Variants in TSHZ2 observed in about 807,000 individuals in gnomAD.
The protein encoded by TSHZ2 is teashirt homolog 2.
Under a neutral mutation model 74.4 loss-of-function variants are expected in TSHZ2, and 21 were observed. That is an observed-to-expected ratio of 0.28 (90% CI 0.20 to 0.41). The LOEUF (loss-of-function observed/expected upper bound fraction) is 0.41. Among genes scored for constraint, TSHZ2 ranks in the 10% least tolerant of loss-of-function variants. The pLI, the probability that TSHZ2 is intolerant of heterozygous loss-of-function variation, is 1.00. For missense variants in TSHZ2, 1,244 were observed against 1,293.5 expected (o/e 0.96, Z 0.59); for synonymous variants, 540 against 515.3 (o/e 1.05, Z -0.65).
chr20:53,256,627 G>C lies in TSHZ2; in HGVS notation c.*8+56G>C. The C allele has an allele frequency of 6.6e-7, 1 of 1,514,114 alleles. No individual in the cohort carries two copies. Among genetic ancestry groups the C allele is most frequent in the Non-Finnish European group, 8.9e-7 (1 of 1,129,128 alleles). 93.8% of individuals were successfully genotyped at this position (1,514,114 alleles called of 1,614,324 possible). On this transcript the variant is annotated intron_variant, in intron 2 of 2. Transcript: ENST00000371497. The surrounding 1 kb of genome is among the most constrained non-coding windows in gnomAD (Gnocchi z 4.3). ...GCCTGGTGAGGAGCTTTCTTACAGG[G>C]AGATGGGTCTGCTTAGAGGCAGCTA...
intron 2 of TSHZ2, among the ~76,000 whole-genome samples, chr20:53,456,069 C>T (rs867877677): frequency 1.3e-4 from 20 of 151,976 alleles, no homozygotes; most frequent in African/African-American, 3.9e-4. Context: ...CCTTTGGGTA[C>T]ATACCCAGTA....
At chr20:53,149,283 G>A (rs1404758112) in intron 1 of TSHZ2, among the ~76,000 whole-genome samples, 1 of 151,150 alleles carries the variant, frequency 6.6e-6, no homozygotes, top group Non-Finnish European at 1.5e-5. Flanking sequence ...GGTGTCATTT[G>A]TCACTGGGGC....
At chr20:53,278,513 T>G (rs1990989609) in intron 2 of TSHZ2, among the ~76,000 whole-genome samples, 1 of 152,126 alleles carries the variant, frequency 6.6e-6, no homozygotes, top group Non-Finnish European at 1.5e-5. Flanking sequence ...AGTAGCCACC[T>G]TCAGTTCTCA....
intron 2 of TSHZ2, among the ~76,000 whole-genome samples, chr20:53,265,134 G>T (rs1990686764): frequency 6.6e-6 from 1 of 152,052 alleles, no homozygotes; most frequent in Non-Finnish European, 1.5e-5. Context: ...CAGGGCCAGA[G>T]CGTTCAGGGG....
At chr20:53,440,629 G>A (rs1012254500) in intron 2 of TSHZ2, among the ~76,000 whole-genome samples, 5 of 152,128 alleles carry the variant, frequency 3.3e-5, no homozygotes, top group Non-Finnish European at 7.3e-5. Flanking sequence ...GGGGAGAAAC[G>A]GACAATAGCC....
At chr20:53,349,473 G>T (rs1980561642) in intron 2 of TSHZ2, among the ~76,000 whole-genome samples, 1 of 152,104 alleles carries the variant, frequency 6.6e-6, no homozygotes, top group South Asian at 2.1e-4. Flanking sequence ...GTGACACGGT[G>T]AGACCCCATC....
At chr20:53,457,172 G>C (rs1415358263) in intron 2 of TSHZ2, among the ~76,000 whole-genome samples, 6 of 141,566 alleles carry the variant, frequency 4.2e-5, no homozygotes, top group Non-Finnish European at 7.6e-5. Flanking sequence ...TCACGATATT[G>C]ATTCTTCCTA....
intron 1 of TSHZ2, among the ~76,000 whole-genome samples, chr20:53,249,884 A>T (rs1385169463): frequency 6.6e-6 from 1 of 152,234 alleles, no homozygotes; most frequent in African/African-American, 2.4e-5. Flanking sequence ...TTTTACAAAG[A>T]ATCTTCTAGC....
chr20:53,015,937 G>A (rs745826345), intron 1 of TSHZ2, among the ~76,000 whole-genome samples: 10 of 152,064 alleles, frequency 6.6e-5, no homozygotes, highest in Non-Finnish European at 1.3e-4. Flanking sequence ...GTGCCAGAAA[G>A]GGAAGAATTT....
intron 2 of TSHZ2, among the ~76,000 whole-genome samples, chr20:53,432,413 T>G (rs974742755): frequency 6.6e-6 from 1 of 152,246 alleles, no homozygotes; most frequent in African/African-American, 2.4e-5. Context: ...TTTGCAATTG[T>G]GAATTATGCT....
At chr20:53,084,855 C>T (rs1289790819) in intron 1 of TSHZ2, among the ~76,000 whole-genome samples, 1 of 151,996 alleles carries the variant, frequency 6.6e-6, no homozygotes, top group Non-Finnish European at 1.5e-5. Flanking sequence ...TAACATTTAG[C>T]TTTTCTGAAA....
At chr20:53,047,120 G>T (rs2123114917) in intron 1 of TSHZ2, among the ~76,000 whole-genome samples, 1 of 152,222 alleles carries the variant, frequency 6.6e-6, no homozygotes, top group Non-Finnish European at 1.5e-5. Flanking sequence ...AATTTTAAAA[G>T]CATAATATTT....
At chr20:53,322,527 A>G (rs866964644) in intron 2 of TSHZ2, among the ~76,000 whole-genome samples, 1 of 151,724 alleles carries the variant, frequency 6.6e-6, no homozygotes. Flanking sequence ...AAAAAAAAGA[A>G]AAAAAAAACA....
At chr20:53,395,584 CAGCT>C (rs1448492265) in intron 2 of TSHZ2, among the ~76,000 whole-genome samples, 1 of 152,234 alleles carries the variant, frequency 6.6e-6, no homozygotes, top group Non-Finnish European at 1.5e-5. Context: ...GATTTGACAT[CAGCT>C]AATTCAAGAG....
At chr20:53,046,486 A>G (rs564559074) in intron 1 of TSHZ2, among the ~76,000 whole-genome samples, 33 of 152,242 alleles carry the variant, frequency 2.2e-4, no homozygotes, top group Non-Finnish European at 3.5e-4. Context: ...AGATATTATC[A>G]CCCTAAGCTA....
intron 1 of TSHZ2, among the ~76,000 whole-genome samples, chr20:53,063,693 A>G (rs774928014): frequency 2.6e-5 from 4 of 152,236 alleles, no homozygotes; most frequent in Non-Finnish European, 5.9e-5. Context: ...AAAAATCAAA[A>G]CTGATTTGCC....
intron 2 of TSHZ2, among the ~76,000 whole-genome samples, chr20:53,269,463 C>G (rs766841977): frequency 6.6e-6 from 1 of 152,198 alleles, no homozygotes; most frequent in Non-Finnish European, 1.5e-5. Flanking sequence ...AGCCACCTTG[C>G]AAAGCCCCAC....
At chr20:53,031,720 G>T (rs575156718) in intron 1 of TSHZ2, among the ~76,000 whole-genome samples, 3 of 152,192 alleles carry the variant, frequency 2.0e-5, no homozygotes, top group Non-Finnish European at 2.9e-5. Context: ...ATCTTGCCCT[G>T]ATATGGTATA....
chr20:53,397,706 G>A (rs1317865082), intron 2 of TSHZ2: 4 of 152,198 alleles, frequency 2.6e-5, no homozygotes, highest in Non-Finnish European at 5.9e-5. Flanking sequence ...ATTCACAATA[G>A]CAAAGACTTG....
Sources: allele counts gnomAD v4.1 joint callset (sites outside exome capture counted in the v4.1 genomes callset), GRCh38; gene constraint gnomAD v4.1.1; non-coding constraint Gnocchi (gnomAD v3.1); transcripts MANE v1.5; gene names NCBI Gene and HGNC (gene_info 2026-07-23, HGNC 2026-07-21).